The following NOS1AP variants were observed in gnomAD, a reference collection of about 807,000 sequenced individuals.
NOS1AP encodes nitric oxide synthase 1 adaptor protein.
A neutral mutation model predicts 56.2 loss-of-function variants in NOS1AP; 21 were observed. The ratio of observed to expected loss-of-function variants is 0.37; its 90% CI spans 0.26 to 0.54. The LOEUF is 0.54. Among genes scored for constraint, NOS1AP ranks in the 20% least tolerant of loss-of-function variants. The probability of loss-of-function intolerance (pLI) is 0.84; values close to 1 mark genes in which losing one functional copy is unlikely to be tolerated. For missense variants in NOS1AP, 522 were observed against 657.8 expected, an observed-to-expected ratio of 0.79 and a Z score of 2.26; for synonymous variants, 270 against 274.6, an observed-to-expected ratio of 0.98 and a Z score of 0.17.
At chr1:162,300,096 C>T (rs1655594742) in intron 3 of NOS1AP, among the ~76,000 whole-genome samples, 1 of 152,164 alleles carries the variant, frequency 6.6e-6, no homozygotes. Context: ...GAAGGTAGAG[C>T]AGGATTCTCT....
chr1:162,291,837 G>A (rs558209464), intron 3 of NOS1AP, among the ~76,000 whole-genome samples: 47 of 152,100 alleles, frequency 3.1e-4, no homozygotes, highest in Non-Finnish European at 6.0e-4. Flanking sequence ...TCTTCAACTC[G>A]CATCTAGGCT....
intron 2 of NOS1AP, among the ~76,000 whole-genome samples, chr1:162,242,938 A>G (rs566747918): frequency 4.7e-4 from 72 of 152,104 alleles, no homozygotes; most frequent in African/African-American, 1.7e-3. Context: ...TTAATAGAGG[A>G]GTTTATTTTG....
intron 2 of NOS1AP, among the ~76,000 whole-genome samples, chr1:162,232,173 T>C (rs973848927): frequency 5.9e-5 from 9 of 152,218 alleles, no homozygotes. Context: ...CTCCAGTTAA[T>C]TGTGCAAACC....
At chr1:162,300,475 G>A (rs1340471710) in intron 3 of NOS1AP, among the ~76,000 whole-genome samples, 158 bp from the exon 4 acceptor site, 1 of 152,162 alleles carries the variant, frequency 6.6e-6, no homozygotes, top group Admixed American at 6.5e-5. Flanking sequence ...CTAGACACTT[G>A]ATATTTTGCA....
chr1:162,166,399 A>G (rs1490457915), intron 2 of NOS1AP, among the ~76,000 whole-genome samples: 1 of 152,194 alleles, frequency 6.6e-6, no homozygotes, highest in African/African-American at 2.4e-5. Context: ...TGCCCTGAGT[A>G]TGTCCTGTTG....
intron 2 of NOS1AP, among the ~76,000 whole-genome samples, chr1:162,160,028 A>C (rs1650135366): frequency 6.6e-6 from 1 of 152,132 alleles, no homozygotes; most frequent in South Asian, 2.1e-4. Context: ...ACCAGGGGAT[A>C]GATCCCTGCA....
At chr1:162,194,787 G>A (rs1030000430) in intron 2 of NOS1AP, among the ~76,000 whole-genome samples, 10 of 152,124 alleles carry the variant, frequency 6.6e-5, no homozygotes, top group South Asian at 2.1e-4. Context: ...CAAGAGGGGC[G>A]TATTAATTCC....
chr1:162,333,626 C>T (rs347308), intron 5 of NOS1AP, among the ~76,000 whole-genome samples: 68,450 of 151,952 alleles, frequency 0.45, 16,440 homozygotes, highest in Middle Eastern at 0.58. Flanking sequence ...AATGTCATTC[C>T]CCCAGGAGTC....
intron 2 of NOS1AP, among the ~76,000 whole-genome samples, chr1:162,185,691 A>G (rs1651410335): frequency 6.6e-6 from 1 of 152,234 alleles, no homozygotes; most frequent in Non-Finnish European, 1.5e-5. Flanking sequence ...CACTTATAGG[A>G]TAGTAATGCA....
chr1:162,250,284 A>T (rs947219374), intron 2 of NOS1AP, among the ~76,000 whole-genome samples: 4 of 152,110 alleles, frequency 2.6e-5, no homozygotes, highest in African/African-American at 9.7e-5. Flanking sequence ...CTTCCTAGGG[A>T]TGTTGACCTT....
chr1:162,243,511 A>G (rs995000392), intron 2 of NOS1AP, among the ~76,000 whole-genome samples: 1 of 152,240 alleles, frequency 6.6e-6, no homozygotes, highest in African/African-American at 2.4e-5. Flanking sequence ...AAAGAGACAG[A>G]GAAGAGTGTA....
At chr1:162,259,642 A>T (rs1019175070) in intron 2 of NOS1AP, among the ~76,000 whole-genome samples, 6 of 152,228 alleles carry the variant, frequency 3.9e-5, no homozygotes, top group Admixed American at 2.6e-4. Flanking sequence ...ACTTTCAATT[A>T]TGTTCATAGT....
intron 4 of NOS1AP, among the ~76,000 whole-genome samples, chr1:162,319,386 C>T (rs893584222): frequency 6.6e-6 from 1 of 152,036 alleles, no homozygotes; most frequent in Admixed American, 6.5e-5. Flanking sequence ...TGACTACCAG[C>T]CATGTGATCC....
At chr1:162,342,196 C>T (rs571625664) in intron 5 of NOS1AP, among the ~76,000 whole-genome samples, 1 of 152,338 alleles carries the variant, frequency 6.6e-6, no homozygotes, top group African/African-American at 2.4e-5. Context: ...GTTCTTATCT[C>T]CCAGAAGTGT....
At chr1:162,257,129 TCATTACATAGCCAGCTG>T (rs1420815156) in intron 2 of NOS1AP, among the ~76,000 whole-genome samples, 1 of 152,132 alleles carries the variant, frequency 6.6e-6, no homozygotes, top group Non-Finnish European at 1.5e-5. Flanking sequence ...AAAAATTAGC[TCATTACATAGCCAGCTG>T]CATTCATACT....
chr1:162,247,116 TA>T (rs1653691671), intron 2 of NOS1AP, among the ~76,000 whole-genome samples: 1 of 152,148 alleles, frequency 6.6e-6, no homozygotes, highest in Non-Finnish European at 1.5e-5. Flanking sequence ...GAAACCTGTA[TA>T]TATAGAGTGA....
At chr1:162,327,060 G>A (rs982994554) in intron 4 of NOS1AP, among the ~76,000 whole-genome samples, 3 of 152,186 alleles carry the variant, frequency 2.0e-5, no homozygotes, top group African/African-American at 7.2e-5. Context: ...CAATTACTGA[G>A]AGAACTGAAA....
intron 2 of NOS1AP, among the ~76,000 whole-genome samples, chr1:162,202,310 C>T (rs936970711): frequency 7.9e-5 from 12 of 152,032 alleles, no homozygotes; most frequent in Non-Finnish European, 1.8e-4. Flanking sequence ...AGTGAAACAC[C>T]TGTAATATCC....
At chr1:162,314,404 A>G (rs2819329) in intron 4 of NOS1AP, among the ~76,000 whole-genome samples, 139,423 of 152,300 alleles carry the variant, frequency 0.92, 64,879 homozygotes, top group Non-Finnish European at 1. Flanking sequence ...GAATTACCCT[A>G]TGGAGAAAGT....
Sources: gnomAD v4.1 joint callset for allele counts (sites outside exome capture counted in the v4.1 genomes callset) on GRCh38, gnomAD v4.1.1 for gene constraint, MANE v1.5 for transcripts, NCBI Gene and HGNC (gene_info 2026-07-23, HGNC 2026-07-21) for gene names.